The following YIPF5 variants were observed in gnomAD, a reference collection of about 807,000 sequenced individuals.
YIPF5 encodes Yip1 domain family member 5, also known as protein YIPF5.
Under a neutral mutation model 30.4 loss-of-function variants are expected in YIPF5, and 8 were observed. That is an observed-to-expected ratio of 0.26 (90% CI 0.15 to 0.47). YIPF5 has a LOEUF of 0.47. Ranked by LOEUF, YIPF5 falls within the 20% of genes least tolerant of loss-of-function variation. YIPF5 has a pLI of 0.99. For synonymous variants in YIPF5, 104 were observed against 107.9 expected, an observed-to-expected ratio of 0.96 and a Z score of 0.23; for missense variants, 282 against 301.8, an observed-to-expected ratio of 0.93 and a Z score of 0.49.
rs144504976 is a variant in YIPF5 at position 144,165,433 on chromosome 5, T to A, written c.282A>T (p.Glu94Asp). The change falls in exon 3 of 6, where the codon GAA becomes GAT. Residue 94 changes from glutamate to aspartate, a missense_variant and splice_region_variant. Coordinates refer to ENST00000274496, the MANE Select transcript of YIPF5 (RefSeq NM_030799.9). ...NNFEDEPPLL[E>D]ELGINFDHIW... Reference sequence around the variant, plus strand: ...ATCAAGTGTTGCAACAAATCTTACCTTCTAATAAAGGTGGCTCATCCTCAA... The same window carrying A: ...ATCAAGTGTTGCAACAAATCTTACCATCTAATAAAGGTGGCTCATCCTCAA... The A allele has an allele frequency of 1.3e-4, 217 of 1,613,962 alleles. No homozygotes were observed. Among genetic ancestry groups the A allele is most frequent in the Non-Finnish European group, 1.8e-4 (208 of 1,179,968 alleles).
Position 144,169,881 on chromosome 5 carries a change from G to A in YIPF5, c.75C>T (p.Ser25=), listed in dbSNP as rs1752318706. 12 of 1,614,178 alleles carry A rather than the reference G, an allele frequency of 7.4e-6. No individual in the cohort carries two copies. Among genetic ancestry groups the A allele is most frequent in the Non-Finnish European group, 1.0e-5 (12 of 1,180,036 alleles). ...GTCCTCCACTTCCTCCATAATCATA[G>A]GACTGCTGTGACTGATCATCGATGC... ...SYSIDDQSQQ[S]YDYGGSGGPY... The change falls in exon 2 of 6, where the codon TCC becomes TCT. Residue 25 remains serine, a synonymous_variant. Coordinates refer to ENST00000274496, the MANE Select transcript of YIPF5 (RefSeq NM_030799.9).
At chr5:144,163,296 T>C (rs1461725235) in intron 4 of YIPF5, among the ~76,000 whole-genome samples, 1 of 152,202 alleles carries the variant, frequency 6.6e-6, no homozygotes, top group African/African-American at 2.4e-5. Flanking sequence ...TGATTAAAAA[T>C]GCAGAAGTTT....
chr5:144,165,527 G>A lies in YIPF5; in HGVS notation c.188C>T (p.Thr63Ile). Residue 63 changes from threonine to isoleucine, a missense_variant, in exon 3 of 6, where the codon ACC (threonine) becomes ATC (isoleucine). Thr to Ile is a moderately conservative substitution (Grantham distance 89). Coordinates refer to ENST00000274496, the MANE Select transcript of YIPF5 (RefSeq NM_030799.9). ...PDMMQPQQPY[T>I]GQIYQPTQAY... ...CTGAGTTGGCTGGTAAATCTGCCCGGTGTATGGCTGTTGTGGCTGCATCAT... is the reference window on the plus strand; with the variant it reads ...CTGAGTTGGCTGGTAAATCTGCCCGATGTATGGCTGTTGTGGCTGCATCAT... 1 of 1,614,124 alleles carries A rather than the reference G, an allele frequency of 6.2e-7. No homozygotes were observed. Among genetic ancestry groups the A allele is most frequent in the Non-Finnish European group, 8.5e-7 (1 of 1,180,016 alleles).
intron 2 of YIPF5, among the ~76,000 whole-genome samples, chr5:144,168,871 G>A (rs1026767381): frequency 6.6e-6 from 1 of 152,138 alleles, no homozygotes; most frequent in Non-Finnish European, 1.5e-5. Flanking sequence ...CTCACAAACT[G>A]ACAGATACAT....
At position 144,159,991 on chromosome 5, in the gene YIPF5, A is replaced by C. The variant is rs559922871; in HGVS notation, c.*406T>G. The C allele has an allele frequency of 2.0e-6, 2 of 987,038 alleles. No homozygotes were observed. The highest frequency in any genetic ancestry group is 1.1e-4 in the East Asian group (1 of 8,894). 61.1% of individuals were successfully genotyped at this position (987,038 alleles called of 1,614,324 possible). ...CCAAAGTGCTGGGATTACAGGCGTG[A>C]GCTACCACGCCCGGCCGTCTTGTGT... On this transcript the variant is annotated 3_prime_UTR_variant, in exon 6 of 6. Transcript: ENST00000274496.
At chr5:144,165,866 C>A (rs139247868) in intron 2 of YIPF5, among the ~76,000 whole-genome samples, 1 of 152,188 alleles carries the variant, frequency 6.6e-6, no homozygotes, top group East Asian at 1.9e-4. Context: ...AAGCATTTTA[C>A]AAACTGTTAA....
chr5:144,164,536 G>A (rs1752146033), intron 3 of YIPF5, among the ~76,000 whole-genome samples: 3 of 151,728 alleles, frequency 2.0e-5, no homozygotes, highest in South Asian at 2.1e-4. Flanking sequence ...ACAGGTGTGC[G>A]CCACAACACA....
intron 2 of YIPF5, among the ~76,000 whole-genome samples, chr5:144,169,345 G>A (rs1229173624): frequency 6.6e-6 from 1 of 152,180 alleles, no homozygotes; most frequent in African/African-American, 2.4e-5. Context: ...AGAAGGAGGA[G>A]TAATAAAAAT....
intron 4 of YIPF5, 65 bp from the exon 5 acceptor site, chr5:144,162,464 T>C (rs1752076177): frequency 1.4e-6 from 2 of 1,405,762 alleles, no homozygotes. Context: ...TTATTTCACC[T>C]GAATCAGTAC....
chr5:144,163,771 TAA>T (rs10712448), intron 4 of YIPF5: 206 of 158,550 alleles, frequency 1.3e-3, no homozygotes, highest in Middle Eastern at 5.6e-3. Context: ...ATGCTGTCAT[TAA>T]AAAAAAAAAG....
chr5:144,163,468 G>A (rs1194792338), intron 4 of YIPF5, among the ~76,000 whole-genome samples: 1 of 152,126 alleles, frequency 6.6e-6, no homozygotes, highest in Non-Finnish European at 1.5e-5. Context: ...TATTTTCTAT[G>A]AGAGGAAACT....
At chr5:144,161,462 A>T (rs1752043691) in intron 5 of YIPF5, among the ~76,000 whole-genome samples, 1 of 147,338 alleles carries the variant, frequency 6.8e-6, no homozygotes, top group Non-Finnish European at 1.5e-5. Context: ...CTCCTGCCTC[A>T]GCCTCCCGAG....
intron 5 of YIPF5, among the ~76,000 whole-genome samples, chr5:144,161,973 A>G (rs1752060818): frequency 6.6e-6 from 1 of 152,206 alleles, no homozygotes; most frequent in East Asian, 1.9e-4. Flanking sequence ...CCACTATGAC[A>G]ATGGTAAGTA....
chr5:144,170,060 A>G (rs186700061), intron 1 of YIPF5, 95 bp from the exon 2 acceptor site: 21 of 969,658 alleles, frequency 2.2e-5, no homozygotes, highest in Non-Finnish European at 2.4e-5. Context: ...AACACAACAA[A>G]TATTTTTTCA....
At chr5:144,165,342 A>C in intron 3 of YIPF5, 90 bp downstream of exon 3, 2 of 1,501,698 alleles carry the variant, frequency 1.3e-6, no homozygotes, top group Non-Finnish European at 1.8e-6. Flanking sequence ...ATTTTTTTTA[A>C]AGGAAAAGAC....
intron 1 of YIPF5, chr5:144,170,211 A>G: frequency 2.1e-6 from 1 of 484,230 alleles, no homozygotes; most frequent in East Asian, 3.9e-5. Context: ...GCCTTCCATT[A>G]GGGGCGAGGT....
intron 3 of YIPF5, 98 bp from the exon 4 acceptor site, chr5:144,164,354 CA>C: frequency 2.8e-6 from 3 of 1,063,848 alleles, no homozygotes; most frequent in Non-Finnish European, 4.0e-6. Context: ...GACATAGCAT[CA>C]AAAAAGGATC....
chr5:144,169,571 A>C (rs1394150194), intron 2 of YIPF5, among the ~76,000 whole-genome samples: 1 of 152,224 alleles, frequency 6.6e-6, no homozygotes, highest in Non-Finnish European at 1.5e-5. Context: ...TAAATACAGA[A>C]ATACTGTTAC....
chr5:144,164,214 GT>G lies in YIPF5; in HGVS notation c.325del (p.Thr109GlnfsTer6). ...TGCTACTTTTAACGGATGTAATACTGTTAGTGTTTTTTGCCAGATGTGGTCA... is the reference window on the plus strand; with the variant it reads ...TGCTACTTTTAACGGATGTAATACTGTAGTGTTTTTTGCCAGATGTGGTCA... The part of the protein sequence containing the change: ...NFDHIWQKTL[T>X]VLHPLKVADG... On this transcript the variant is annotated frameshift_variant, in exon 4 of 6. Coordinates refer to ENST00000274496, the MANE Select transcript of YIPF5 (RefSeq NM_030799.9). LOFTEE classifies it high-confidence loss of function. 6.2e-7 allele frequency: 1 copy of G among 1,611,862 alleles called. No homozygotes were observed. Among genetic ancestry groups the G allele is most frequent in the Non-Finnish European group, 8.5e-7 (1 of 1,179,004 alleles).
Sources: allele counts gnomAD v4.1 joint callset (sites outside exome capture counted in the v4.1 genomes callset), GRCh38; gene constraint gnomAD v4.1.1; transcripts MANE v1.5; gene names NCBI Gene and HGNC (gene_info 2026-07-23, HGNC 2026-07-21).